Variants in PSD3 observed in about 807,000 individuals in gnomAD.
PSD3 encodes the protein pleckstrin and Sec7 domain containing 3.
PSD3 carries 49 observed loss-of-function variants against 105.5 expected under a neutral mutation model. The observed-to-expected ratio is 0.46, with a 90% CI of 0.37 to 0.59. The LOEUF (loss-of-function observed/expected upper bound fraction) is 0.59, where lower values mean the gene tolerates loss of function less well. Among genes scored for constraint, PSD3 ranks in the 20% least tolerant of loss-of-function variants. The pLI is 0.00. For synonymous variants in PSD3, 557 were observed against 457.8 expected (o/e 1.22, Z -2.77); for missense variants, 1,561 against 1,263.8 (o/e 1.24, Z -3.57).
chr8:18,819,596 T>TTTTTTTTG (rs59004555), intron 4 of PSD3, among the ~76,000 whole-genome samples: 1 of 144,376 alleles, frequency 6.9e-6, no homozygotes, highest in Non-Finnish European at 1.5e-5. Flanking sequence ...TTTTTTTTTT[T>TTTTTTTTG]GAGATGGAGT....
chr8:19,024,194 T>C (rs376213788), intron 1 of PSD3, among the ~76,000 whole-genome samples: 4 of 152,366 alleles, frequency 2.6e-5, no homozygotes, highest in Admixed American at 1.3e-4. Context: ...GGGGATTCCA[T>C]AGAAAACATT....
At position 18,723,896 on chromosome 8, in the gene PSD3, A is replaced by G. The variant is rs1036377710; in HGVS notation, c.2172+41553T>C. 5.9e-5 allele frequency among the ~76,000 whole-genome samples: 9 copies of G among 152,194 alleles called. No individual in the cohort carries two copies. The East Asian group carries it at 1.7e-3, about 29-fold the overall frequency. On this transcript the variant is annotated intron_variant, in intron 9 of 15. Transcript: ENST00000327040. ...AATCTCTCATGTTTCCTGAGGCAGA[A>G]ATTAATTTAATGTGATTGGCAACTT...
At chr8:18,705,333 G>A (rs2129418899) in intron 9 of PSD3, among the ~76,000 whole-genome samples, 1 of 152,208 alleles carries the variant, frequency 6.6e-6, no homozygotes, top group African/African-American at 2.4e-5. Context: ...TTCGAGATCA[G>A]CCAGGGCAAC....
intron 2 of PSD3, among the ~76,000 whole-genome samples, chr8:18,918,054 A>T (rs1243945744): frequency 6.6e-6 from 1 of 152,160 alleles, no homozygotes; most frequent in African/African-American, 2.4e-5. Flanking sequence ...CTAAACCCTA[A>T]ATGTGGAGAA....
intron 2 of PSD3, among the ~76,000 whole-genome samples, chr8:18,928,438 G>C (rs766758954): frequency 1.3e-5 from 2 of 152,204 alleles, no homozygotes; most frequent in Non-Finnish European, 1.5e-5. Flanking sequence ...TATTAGCAGC[G>C]TGAGAACAGA....
chr8:18,831,374 T>C (rs982925936), intron 4 of PSD3, among the ~76,000 whole-genome samples: 1 of 152,206 alleles, frequency 6.6e-6, no homozygotes, highest in Non-Finnish European at 1.5e-5. Context: ...TCACATAAAA[T>C]CAGTTTGATC....
At chr8:18,559,425 C>A (rs897287887) in intron 14 of PSD3, among the ~76,000 whole-genome samples, 3 of 151,924 alleles carry the variant, frequency 2.0e-5, no homozygotes, top group African/African-American at 7.3e-5. Flanking sequence ...GATTACTGGA[C>A]CCATTTTTCT....
intron 1 of PSD3, among the ~76,000 whole-genome samples, chr8:19,019,627 G>A (rs900885562): frequency 6.7e-6 from 1 of 150,104 alleles, no homozygotes; most frequent in East Asian, 1.9e-4. Flanking sequence ...TGCCTGGTCT[G>A]TAGTCGAGGC....
chr8:18,718,887 A>T (rs1026338475), intron 9 of PSD3, among the ~76,000 whole-genome samples: 2 of 152,202 alleles, frequency 1.3e-5, no homozygotes, highest in Non-Finnish European at 2.9e-5. Context: ...GGGAGAGCAG[A>T]GTTCAGCACA....
At chr8:19,019,605 C>T (rs1343586079) in intron 1 of PSD3, among the ~76,000 whole-genome samples, 2 of 152,052 alleles carry the variant, frequency 1.3e-5, no homozygotes, top group African/African-American at 4.8e-5. Flanking sequence ...GTATTCCTAG[C>T]TTCCAGAACT....
chr8:18,797,917 T>C (rs537935504), intron 8 of PSD3, among the ~76,000 whole-genome samples: 15 of 152,244 alleles, frequency 9.9e-5, no homozygotes, highest in Non-Finnish European at 1.9e-4. Context: ...TTCAATGTTA[T>C]ATGTGGCCAA....
intron 4 of PSD3, among the ~76,000 whole-genome samples, chr8:18,805,752 T>C (rs1472456487): frequency 6.6e-6 from 1 of 152,218 alleles, no homozygotes; most frequent in Non-Finnish European, 1.5e-5. Context: ...TCACCATTAA[T>C]GAAAAGTCTA....
rs141371805 is a variant in PSD3, at chr8:18,535,138, T to C, written c.*605A>G. On this transcript the variant is annotated 3_prime_UTR_variant, in exon 16 of 16. Coordinates refer to ENST00000327040, the MANE Select transcript of PSD3 (RefSeq NM_015310.4). The stretch of plus-strand genomic sequence containing the variant: ...TCCCTAAGTTCTCAATCCTACGATC[T>C]TCACGCTTCTTTTCCCTGCTTCCAG... The C allele has an allele frequency of 6.5e-6, 1 of 153,270 alleles. No homozygotes were observed. The highest frequency in any genetic ancestry group is 1.5e-5 in the Non-Finnish European group (1 of 68,426). The allele number at this position is 153,270 out of a possible 1,614,324, so 9.5% of individuals were successfully genotyped here. A position where few individuals can be genotyped will look rare whatever the true frequency, so the allele number is the denominator to read the frequency against.
At chr8:18,644,802 C>T (rs1272875225) in intron 10 of PSD3, among the ~76,000 whole-genome samples, 1 of 152,160 alleles carries the variant, frequency 6.6e-6, no homozygotes, top group Non-Finnish European at 1.5e-5. Context: ...AATCTTCTGT[C>T]GTAGTCTGTT....
chr8:18,697,547 T>C (rs910924597), intron 9 of PSD3, among the ~76,000 whole-genome samples: 4 of 152,168 alleles, frequency 2.6e-5, no homozygotes, highest in Non-Finnish European at 5.9e-5. Flanking sequence ...GAAGTCAACT[T>C]GGGAACATTT....
At chr8:19,077,422 C>T (rs892609176) in intron 1 of PSD3, among the ~76,000 whole-genome samples, 6 of 152,104 alleles carry the variant, frequency 3.9e-5, no homozygotes, top group African/African-American at 7.2e-5. Flanking sequence ...ACATGAAGGG[C>T]AGCCAAAAAA....
At chr8:18,951,943 T>C (rs911014102) in intron 1 of PSD3, among the ~76,000 whole-genome samples, 2 of 152,008 alleles carry the variant, frequency 1.3e-5, no homozygotes, top group Non-Finnish European at 2.9e-5. Flanking sequence ...CACCCCAGCC[T>C]GGGCAACAAG....
chr8:18,666,120 C>T (rs1799436604), intron 9 of PSD3, among the ~76,000 whole-genome samples: 1 of 152,174 alleles, frequency 6.6e-6, no homozygotes, highest in Non-Finnish European at 1.5e-5. Context: ...GCACGATCTC[C>T]ACTTACTGCA....
chr8:18,586,982 T>C (rs1317720476), intron 12 of PSD3, among the ~76,000 whole-genome samples: 2 of 152,168 alleles, frequency 1.3e-5, no homozygotes, highest in Non-Finnish European at 2.9e-5. Flanking sequence ...GCAAAGCCCC[T>C]GTTACACAGG....
Sources: gnomAD v4.1 joint callset for allele counts (sites outside exome capture counted in the v4.1 genomes callset) on GRCh38, gnomAD v4.1.1 for gene constraint, MANE v1.5 for transcripts, NCBI Gene and HGNC (gene_info 2026-07-23, HGNC 2026-07-21) for gene names.